Variants in TRIO observed in about 807,000 individuals in gnomAD.
TRIO encodes the protein triple functional domain protein.
A neutral mutation model predicts 351.9 loss-of-function variants in TRIO; 58 were observed. The observed-to-expected ratio is 0.16, with a 90% confidence interval of 0.13 to 0.21. The LOEUF (loss-of-function observed/expected upper bound fraction) is 0.21, where lower values mean the gene tolerates loss of function less well. TRIO is among the 10% of genes least tolerant of loss of function. The probability of loss-of-function intolerance (pLI) is 1.00; values close to 1 mark genes in which losing one functional copy is unlikely to be tolerated. For missense variants in TRIO, 3,201 were observed against 4,027.8 expected (o/e 0.79, Z 5.56); for synonymous variants, 1,758 against 1,595.7 (o/e 1.10, Z -2.42).
At chr5:14,484,445 A>G (rs1014657807) in intron 46 of TRIO, among the ~76,000 whole-genome samples, 1 of 152,184 alleles carries the variant, frequency 6.6e-6, no homozygotes, top group African/African-American at 2.4e-5. Context: ...ACAGCCTTGT[A>G]TTCCCCATGT....
At chr5:14,400,773 G>A (rs890524992) in intron 30 of TRIO, among the ~76,000 whole-genome samples, 190 bp from the exon 31 acceptor site, 1 of 152,212 alleles carries the variant, frequency 6.6e-6, no homozygotes, top group Non-Finnish European at 1.5e-5. Flanking sequence ...GGAAGCGAAG[G>A]ATGAAACCAG....
At chr5:14,281,079 G>GA (rs1321703089) in intron 3 of TRIO, among the ~76,000 whole-genome samples, 4 of 152,170 alleles carry the variant, frequency 2.6e-5, no homozygotes, top group Non-Finnish European at 5.9e-5. Flanking sequence ...TTCTGCTCTG[G>GA]AAATGTATTA....
Position 14,488,070 on chromosome 5 carries a change from A to C in TRIO, c.7442A>C (p.Lys2481Thr). The change falls in exon 48 of 57, where the codon AAG becomes ACG. Residue 2481 changes from lysine (K) to threonine (T), a missense_variant. Physicochemically the swap from Lys to Thr is moderately conservative, Grantham distance 78 (BLOSUM62 -1). Transcript: ENST00000344204. ...EPFPPSSPLQ[K>T]GGSFWSSIPA... is the part of the protein sequence containing the mutation. ...TTCCCCCCCAGCAGCCCCCTGCAGAAGGGGGGCTCCTTCTGGAGCTCCATC... is the reference window on the plus strand; with the variant it reads ...TTCCCCCCCAGCAGCCCCCTGCAGACGGGGGGCTCCTTCTGGAGCTCCATC... The C allele has an allele frequency of 6.2e-7, 1 of 1,609,892 alleles. No homozygotes were observed. The highest frequency in any genetic ancestry group is 8.5e-7 in the Non-Finnish European group (1 of 1,178,998).
rs368654118 is a variant in TRIO, at chr5:14,291,124, C to T, written c.949C>T (p.Arg317Trp). 2.2e-5 allele frequency: 35 copies of T among 1,613,940 alleles called. No homozygotes were observed. The highest frequency in any genetic ancestry group is 2.8e-5 in the Non-Finnish European group (33 of 1,180,036). Reference sequence around the variant, plus strand: ...GCCCAAGGTGTCCACCATGCTGGACCGGCTGCACTCGACACGGCAGCATCT... The same window carrying T: ...GCCCAAGGTGTCCACCATGCTGGACTGGCTGCACTCGACACGGCAGCATCT... ...LLPKVSTMLD[R>W]LHSTRQHLHQ... Residue 317 changes from arginine to tryptophan, a missense_variant, in exon 5 of 57, where the codon CGG becomes TGG. Arg to Trp is a moderately radical substitution (Grantham distance 101). This residue lies in a region of TRIO where 349 missense variants were observed against 449.3 expected (regional missense o/e 0.78). Coordinates refer to ENST00000344204, the MANE Select transcript of TRIO (RefSeq NM_007118.4).
chr5:14,401,354 A>AAT (rs755073163), intron 31 of TRIO, among the ~76,000 whole-genome samples: 21 of 152,298 alleles, frequency 1.4e-4, no homozygotes, highest in Admixed American at 4.6e-4. Flanking sequence ...TTGACTCTAT[A>AAT]AGAGATGCAG....
chr5:14,238,407 A>G (rs1793917273), intron 1 of TRIO, among the ~76,000 whole-genome samples: 1 of 152,198 alleles, frequency 6.6e-6, no homozygotes, highest in Non-Finnish European at 1.5e-5. Flanking sequence ...AGTAAACTCG[A>G]AGCCAAGTAT....
intron 28 of TRIO, among the ~76,000 whole-genome samples, chr5:14,396,221 C>T (rs887351866): frequency 5.9e-5 from 9 of 151,762 alleles, no homozygotes; most frequent in South Asian, 2.1e-4. Context: ...AAACATCCTA[C>T]GCAAAAAGGA....
chr5:14,482,820 G>A (rs147571807), intron 46 of TRIO, 47 bp downstream of exon 46: 544 of 1,431,008 alleles, frequency 3.8e-4, no homozygotes, highest in Non-Finnish European at 4.8e-4. Context: ...GCATGTACCC[G>A]TCACACCGAT....
chr5:14,294,142 C>T (rs185431194), intron 6 of TRIO, among the ~76,000 whole-genome samples: 6 of 152,208 alleles, frequency 3.9e-5, no homozygotes, highest in South Asian at 2.1e-4. Flanking sequence ...GTTATGATCA[C>T]GCCACTGCAT....
chr5:14,426,370 A>G (rs1389973984), intron 34 of TRIO, among the ~76,000 whole-genome samples: 1 of 152,164 alleles, frequency 6.6e-6, no homozygotes, highest in Non-Finnish European at 1.5e-5. Flanking sequence ...ACAAATCCTC[A>G]TGGGAAAAAT....
chr5:14,323,494 A>G (rs1740080028), intron 9 of TRIO, among the ~76,000 whole-genome samples: 1 of 143,044 alleles, frequency 7.0e-6, no homozygotes, highest in Admixed American at 7.2e-5. Context: ...GCCCGTGACC[A>G]TGAAGGAAAA....
intron 19 of TRIO, among the ~76,000 whole-genome samples, chr5:14,375,717 G>A (rs907821047): frequency 5.3e-5 from 8 of 152,194 alleles, no homozygotes; most frequent in African/African-American, 1.4e-4. Flanking sequence ...CCAAGAGGGC[G>A]CTTAGCACTG....
At chr5:14,444,990 C>T (rs542916871) in intron 34 of TRIO, among the ~76,000 whole-genome samples, 1 of 152,312 alleles carries the variant, frequency 6.6e-6, no homozygotes, top group Admixed American at 6.5e-5. Flanking sequence ...AAGGAGCAGG[C>T]ACCCTCCTCG....
At chr5:14,486,643 G>A (rs892070387) in intron 47 of TRIO, among the ~76,000 whole-genome samples, 9 of 152,180 alleles carry the variant, frequency 5.9e-5, no homozygotes, top group Admixed American at 5.9e-4. Flanking sequence ...CGCATGGTCT[G>A]TGATGTCAGA....
At chr5:14,266,118 G>A (rs1246805674) in intron 1 of TRIO, among the ~76,000 whole-genome samples, 3 of 152,074 alleles carry the variant, frequency 2.0e-5, no homozygotes, top group East Asian at 1.9e-4. Flanking sequence ...GTAAGCAGTG[G>A]CATGATCTCG....
At chr5:14,165,938 C>G (rs1161100064) in intron 1 of TRIO, among the ~76,000 whole-genome samples, 1 of 152,244 alleles carries the variant, frequency 6.6e-6, no homozygotes, top group Non-Finnish European at 1.5e-5. Context: ...GAATGCCTTT[C>G]TTCTGTAAAT....
At position 14,286,749 on chromosome 5, in the gene TRIO, C is replaced by G; in HGVS notation, c.348-122C>G. The G allele has an allele frequency of 1.0e-6, 1 of 1,001,498 alleles. No homozygotes were observed. Among genetic ancestry groups the G allele is most frequent in the South Asian group, 1.6e-5 (1 of 60,994 alleles). The allele number at this position is 1,001,498 out of a possible 1,614,324, so 62.0% of individuals were successfully genotyped here. A position where few individuals can be genotyped will look rare whatever the true frequency, so the allele number is the denominator to read the frequency against. ...GGAGCTGAGCACAGTGTGCTCCTTC[C>G]CCTGCCTCCGCACGTGTCCAGCAGG... On this transcript the variant is annotated intron_variant, in intron 3 of 56. Transcript: ENST00000344204. The surrounding 1 kb of genome is among the most constrained non-coding windows in gnomAD (Gnocchi z 4.4).
At chr5:14,322,257 G>T (rs1370803049) in intron 9 of TRIO, among the ~76,000 whole-genome samples, 1 of 152,200 alleles carries the variant, frequency 6.6e-6, no homozygotes, top group Non-Finnish European at 1.5e-5. Flanking sequence ...GTTAAAAGTT[G>T]CTTCATTTCT....
At chr5:14,208,644 A>C (rs1389950378) in intron 1 of TRIO, among the ~76,000 whole-genome samples, 1 of 152,246 alleles carries the variant, frequency 6.6e-6, no homozygotes, top group Non-Finnish European at 1.5e-5. Flanking sequence ...TATGTAAACT[A>C]ACAGAAAGTC....
Sources: allele counts gnomAD v4.1 joint callset (sites outside exome capture counted in the v4.1 genomes callset), GRCh38; gene constraint gnomAD v4.1.1; regional missense constraint gnomAD v4.1.1; non-coding constraint Gnocchi (gnomAD v3.1); transcripts MANE v1.5; gene names NCBI Gene and HGNC (gene_info 2026-07-23, HGNC 2026-07-21).